Variants in ASTN2 observed in about 807,000 individuals in gnomAD.
ASTN2 encodes astrotactin 2.
Under a neutral mutation model 139.8 loss-of-function variants are expected in ASTN2, and 54 were observed. The observed-to-expected ratio is 0.39, with a 90% CI of 0.31 to 0.48. The LOEUF is 0.48. ASTN2 is among the 20% of genes least tolerant of loss of function. The pLI is 0.95. For synonymous variants in ASTN2, 756 were observed against 719.5 expected, an observed-to-expected ratio of 1.05 and a Z score of -0.81; for missense variants, 1,565 against 1,725.1, an observed-to-expected ratio of 0.91 and a Z score of 1.64.
intron 3 of ASTN2, among the ~76,000 whole-genome samples, chr9:117,165,019 T>C (rs1014044984): frequency 6.6e-6 from 1 of 151,348 alleles, no homozygotes; most frequent in Non-Finnish European, 1.5e-5. Context: ...ATATGGCTGG[T>C]GTAGGGTAGA....
At chr9:116,737,933 C>T (rs1279935277) in intron 13 of ASTN2, among the ~76,000 whole-genome samples, 2 of 152,096 alleles carry the variant, frequency 1.3e-5, no homozygotes, top group Non-Finnish European at 1.5e-5. Flanking sequence ...TGGCTCACGC[C>T]TGTAATCCCA....
chr9:116,985,618 A>C (rs113275907), intron 7 of ASTN2, among the ~76,000 whole-genome samples: 3,666 of 152,338 alleles, frequency 0.024, 160 homozygotes, highest in African/African-American at 0.084. Context: ...GGAGAAAAGC[A>C]TGTGGCAAAG....
chr9:117,034,980 G>T (rs1838342428), intron 6 of ASTN2, among the ~76,000 whole-genome samples: 1 of 152,110 alleles, frequency 6.6e-6, no homozygotes, highest in African/African-American at 2.4e-5. Flanking sequence ...GTATAACTAT[G>T]CAGTAACACA....
At chr9:117,231,659 T>C (rs187305719) in intron 2 of ASTN2, among the ~76,000 whole-genome samples, 35 of 151,194 alleles carry the variant, frequency 2.3e-4, no homozygotes, top group African/African-American at 7.8e-4. Flanking sequence ...TTAAGGAGAG[T>C]TTGGAAAGGG....
intron 17 of ASTN2, among the ~76,000 whole-genome samples, chr9:116,629,545 CT>C (rs1232104249): frequency 2.6e-5 from 4 of 152,166 alleles, no homozygotes; most frequent in Non-Finnish European, 5.9e-5. Flanking sequence ...GCAGTGCCCC[CT>C]GAACTTCTTC....
At chr9:116,515,671 G>T (rs1850617314) in intron 19 of ASTN2, among the ~76,000 whole-genome samples, 1 of 152,252 alleles carries the variant, frequency 6.6e-6, no homozygotes, top group Middle Eastern at 3.4e-3. Context: ...TTTGAGTTGA[G>T]GTTACTGTTA....
intron 4 of ASTN2, among the ~76,000 whole-genome samples, chr9:117,116,004 G>A (rs1212586490): frequency 7.4e-6 from 1 of 135,082 alleles, no homozygotes; most frequent in Non-Finnish European, 1.6e-5. Flanking sequence ...CAGACTGGGG[G>A]ACAGAGTGAG....
At chr9:116,564,268 T>C (rs1004900606) in intron 19 of ASTN2, among the ~76,000 whole-genome samples, 9 of 152,292 alleles carry the variant, frequency 5.9e-5, no homozygotes, top group Admixed American at 3.9e-4. Context: ...GAACTAAACA[T>C]GTAGCTTTCT....
At chr9:116,708,418 A>G (rs965776929) in intron 16 of ASTN2, among the ~76,000 whole-genome samples, 4 of 152,190 alleles carry the variant, frequency 2.6e-5, no homozygotes, top group African/African-American at 9.7e-5. Flanking sequence ...CTTCACCATC[A>G]AAGGGATGCA....
chr9:116,586,827 T>TACACACAC (rs1491353959), intron 19 of ASTN2, among the ~76,000 whole-genome samples: 4 of 136,436 alleles, frequency 2.9e-5, no homozygotes, highest in South Asian at 2.2e-4. Flanking sequence ...CACACACACA[T>TACACACAC]ACATACACAC....
chr9:116,924,577 G>A (rs1834705251), intron 10 of ASTN2, among the ~76,000 whole-genome samples: 1 of 152,152 alleles, frequency 6.6e-6, no homozygotes, highest in Non-Finnish European at 1.5e-5. Context: ...AAAGGGGCAG[G>A]CAATTCCTGG....
At chr9:116,758,470 G>A (rs1220664124) in intron 13 of ASTN2, among the ~76,000 whole-genome samples, 1 of 152,086 alleles carries the variant, frequency 6.6e-6, no homozygotes, top group African/African-American at 2.4e-5. Context: ...AGGACACCCA[G>A]GCTAAGAAGT....
At chr9:116,476,857 AT>A (rs1178544762) in intron 20 of ASTN2, among the ~76,000 whole-genome samples, 2 of 152,138 alleles carry the variant, frequency 1.3e-5, no homozygotes, top group Non-Finnish European at 2.9e-5. Context: ...TCTCCAAACC[AT>A]GGTCAGGGTT....
intron 10 of ASTN2, among the ~76,000 whole-genome samples, chr9:116,948,785 G>GTTTTTTTTTTTTGTTTTTTTTTTTTTTT (rs1835471789): frequency 6.1e-5 from 3 of 49,474 alleles, no homozygotes; most frequent in African/African-American, 2.6e-4. Flanking sequence ...ATAATTTGGT[G>GTTTTTTTTTTTTGTTTTTTTTTTTTTTT]TTTTTTTTTT....
At chr9:117,346,854 C>T (rs1173413806) in intron 1 of ASTN2, among the ~76,000 whole-genome samples, 2 of 152,058 alleles carry the variant, frequency 1.3e-5, no homozygotes. Flanking sequence ...CCACTGTCTG[C>T]AAAATGGGGG....
At chr9:117,264,083 G>T (rs1003710912) in intron 2 of ASTN2, among the ~76,000 whole-genome samples, 1 of 151,980 alleles carries the variant, frequency 6.6e-6, no homozygotes, top group Non-Finnish European at 1.5e-5. Flanking sequence ...ATTAAAAAAA[G>T]AAATCTAAAT....
chr9:117,409,380 G>A (rs896800851), intron 1 of ASTN2, among the ~76,000 whole-genome samples: 6 of 152,164 alleles, frequency 3.9e-5, no homozygotes, highest in Admixed American at 2.6e-4. Context: ...AACCAAACCA[G>A]AAAGCAATAA....
chr9:116,449,958 C>T (rs1244326467), intron 20 of ASTN2, among the ~76,000 whole-genome samples: 3 of 152,182 alleles, frequency 2.0e-5, no homozygotes, highest in Non-Finnish European at 1.5e-5. Context: ...CCCCATACTT[C>T]GTGGAGCAAA....
At chr9:117,138,160 A>G (rs940119859) in intron 4 of ASTN2, among the ~76,000 whole-genome samples, 4 of 152,246 alleles carry the variant, frequency 2.6e-5, no homozygotes, top group African/African-American at 9.6e-5. Context: ...GTAGACAAGC[A>G]AAAATTTAAA....
Sources: allele counts gnomAD v4.1 joint callset (sites outside exome capture counted in the v4.1 genomes callset), GRCh38; gene constraint gnomAD v4.1.1; transcripts MANE v1.5; gene names NCBI Gene and HGNC (gene_info 2026-07-23, HGNC 2026-07-21).